The following DNAJC10 variants were observed in gnomAD, a reference collection of about 807,000 sequenced individuals.
DNAJC10 encodes DnaJ heat shock protein family (Hsp40) member C10.
DNAJC10 carries 101 observed loss-of-function variants against 115.0 expected under a neutral mutation model. The observed-to-expected ratio is 0.88, with a 90% confidence interval of 0.75 to 1.04. The LOEUF (loss-of-function observed/expected upper bound fraction) is 1.04. DNAJC10 is among the 50% of genes least tolerant of loss of function. The pLI is 0.00. For synonymous variants in DNAJC10, 307 were observed against 301.5 expected (o/e 1.02, Z -0.19); for missense variants, 981 against 928.8 (o/e 1.06, Z -0.73).
At position 182,790,986 on chromosome 2, in the gene DNAJC10, G is replaced by A. The variant is rs956798668; in HGVS notation, c.*13854G>A. 1.3e-5 allele frequency: 2 copies of A among 151,506 alleles called. No individual in the cohort carries two copies. Among genetic ancestry groups the A allele is most frequent in the African/African-American group, 4.9e-5 (2 of 41,186 alleles). 9.4% of individuals were successfully genotyped at this position (151,506 alleles called of 1,614,324 possible). A position where few individuals can be genotyped will look rare whatever the true frequency, so the allele number is the denominator to read the frequency against. On this transcript the variant is annotated 3_prime_UTR_variant, in exon 24 of 24. Transcript: ENST00000264065. ...AACTGTCTATGCTCCTTCTCTCTTT[G>A]TTCACTATTTTGATATTTAAATGTT...
rs1694943070 is a variant in DNAJC10 at position 182,786,218 on chromosome 2, G to C, written c.*9086G>C. On this transcript the variant is annotated 3_prime_UTR_variant, in exon 24 of 24. Coordinates refer to ENST00000264065, the MANE Select transcript of DNAJC10 (RefSeq NM_018981.4). ...ATGACAAGTGTATAATCAACTGCCA[G>C]GAAATCAGTTTACCTGTTAGAGGTA... is the stretch of plus-strand genomic sequence containing the variant. The C allele has an allele frequency of 6.6e-6, 1 of 152,144 alleles. No homozygotes were observed. Among genetic ancestry groups the C allele is most frequent in the Admixed American group, 6.5e-5 (1 of 15,280 alleles). 9.4% of individuals were successfully genotyped at this position (152,144 alleles called of 1,614,324 possible).
chr2:182,777,078 C>A (rs757618642), intron 23 of DNAJC10, 43 bp from the exon 24 acceptor site: 13 of 1,289,638 alleles, frequency 1.0e-5, no homozygotes, highest in Non-Finnish European at 1.2e-5. Flanking sequence ...ATTACCAACT[C>A]ATACTTTCTC....
chr2:182,763,412 A>G (rs765361870), intron 22 of DNAJC10, among the ~76,000 whole-genome samples: 20 of 152,110 alleles, frequency 1.3e-4, no homozygotes, highest in South Asian at 2.1e-4. Context: ...TTCCAGCTGA[A>G]CGGGGGCAAG....
At chr2:182,741,058 T>G (rs955096813) in intron 12 of DNAJC10, among the ~76,000 whole-genome samples, 185 bp from the exon 13 acceptor site, 1 of 152,164 alleles carries the variant, frequency 6.6e-6, no homozygotes, top group Non-Finnish European at 1.5e-5. Context: ...CTGTAATATT[T>G]GTTGATTTTA....
chr2:182,768,704 T>C (rs929941699), intron 22 of DNAJC10, among the ~76,000 whole-genome samples: 1 of 152,182 alleles, frequency 6.6e-6, no homozygotes, highest in East Asian at 1.9e-4. Context: ...ACCTTCCTGC[T>C]GTGCGCAGAT....
At chr2:182,766,766 C>T (rs1014598850) in intron 22 of DNAJC10, among the ~76,000 whole-genome samples, 3 of 152,048 alleles carry the variant, frequency 2.0e-5, no homozygotes, top group South Asian at 2.1e-4. Context: ...GTTGAGGAGA[C>T]GCAGCCACCT....
In DNAJC10 at chr2:182,727,006, C is replaced by T. The variant is rs113344298; in HGVS notation, c.419-1570C>T. 6.9e-4 allele frequency among the ~76,000 whole-genome samples: 105 copies of T among 152,100 alleles called. 1 individual carries two copies. The highest frequency in any genetic ancestry group is 2.5e-3 in the African/African-American group (104 of 41,506). On this transcript the variant is annotated intron_variant, in intron 5 of 23. Coordinates refer to ENST00000264065, the MANE Select transcript of DNAJC10 (RefSeq NM_018981.4). The stretch of plus-strand genomic sequence containing the variant: ...CAAAAGGCTAGATGACAAGCATGAG[C>T]CACTGCGCCCAGCCTATTTTCTAAT...
rs1295742335 is a variant in DNAJC10 at position 182,790,195 on chromosome 2, A to T, written c.*13063A>T. On this transcript the variant is annotated 3_prime_UTR_variant, in exon 24 of 24. Transcript: ENST00000264065. ...AAAAAGCTTTATTTAGTCCTATATT[A>T]TTCTCTGATTATTCCATATGTTATC... is the stretch of plus-strand genomic sequence containing the variant. 1 of 152,164 alleles carries T rather than the reference A, an allele frequency of 6.6e-6. No individual in the cohort carries two copies. The highest frequency in any genetic ancestry group is 2.4e-5 in the African/African-American group (1 of 41,440). The allele number at this position is 152,164 out of a possible 1,614,324, so 9.4% of individuals were successfully genotyped here.
Position 182,785,322 on chromosome 2 carries a change from G to C in DNAJC10, c.*8190G>C, listed in dbSNP as rs577254047. On this transcript the variant is annotated 3_prime_UTR_variant, in exon 24 of 24. Transcript: ENST00000264065. ...TTTTTTTTTAATTCAAAAATCTCAG[G>C]GTTTTCTGGGGCTTTTAGTACTCCT... The C allele has an allele frequency of 2.6e-5, 4 of 151,834 alleles. No homozygotes were observed. Among genetic ancestry groups the C allele is most frequent in the African/African-American group, 9.7e-5 (4 of 41,394 alleles). 9.4% of individuals were successfully genotyped at this position (151,834 alleles called of 1,614,324 possible).
chr2:182,788,872 C>T lies in DNAJC10; in HGVS notation c.*11740C>T, dbSNP rs940563497. 1.3e-5 allele frequency: 6 copies of T among 449,452 alleles called. No homozygotes were observed. Among genetic ancestry groups the T allele is most frequent in the Non-Finnish European group, 2.2e-5 (5 of 225,098 alleles). 27.8% of individuals were successfully genotyped at this position (449,452 alleles called of 1,614,324 possible). A position where few individuals can be genotyped will look rare whatever the true frequency, so the allele number is the denominator to read the frequency against. On this transcript the variant is annotated 3_prime_UTR_variant, in exon 24 of 24. Coordinates refer to ENST00000264065, the MANE Select transcript of DNAJC10 (RefSeq NM_018981.4). The stretch of plus-strand genomic sequence containing the variant: ...TTTCACGTTAAAGGTCATTTTGTGT[C>T]TTCTTTAAAACTCTTGATTCCTTTT...
rs1694777959 is a variant in DNAJC10, at chr2:182,778,923, C to G, written c.*1791C>G. The stretch of plus-strand genomic sequence containing the variant: ...TACTGGTTATGTGCATATCACCACA[C>G]TGGACACTGAGGAGTGTTCAAAAGG... On this transcript the variant is annotated 3_prime_UTR_variant, in exon 24 of 24. Transcript: ENST00000264065. The G allele has an allele frequency of 6.6e-6, 1 of 152,224 alleles. No homozygotes were observed. Among genetic ancestry groups the G allele is most frequent in the Non-Finnish European group, 1.5e-5 (1 of 68,046 alleles). 9.4% of individuals were successfully genotyped at this position (152,224 alleles called of 1,614,324 possible).
Position 182,762,874 on chromosome 2 carries a change from G to GT in DNAJC10, c.2265+81dup, listed in dbSNP as rs992446768. 234 of 1,456,582 alleles carry GT rather than the reference G, an allele frequency of 1.6e-4. 1 individual carries two copies. The highest frequency in any genetic ancestry group is 3.9e-4 in the East Asian group (16 of 41,474). The allele number at this position is 1,456,582 out of a possible 1,614,324, so 90.2% of individuals were successfully genotyped here. On this transcript the variant is annotated intron_variant, in intron 22 of 23. Transcript: ENST00000264065. ...AAAGATGTGTTTCAGTCTGAGTAAT[G>GT]TTTTTTTTCTGTTTTCTCATCCTTG...
intron 5 of DNAJC10, among the ~76,000 whole-genome samples, chr2:182,722,903 A>C (rs1693188893): frequency 6.6e-6 from 1 of 152,008 alleles, no homozygotes; most frequent in Non-Finnish European, 1.5e-5. Flanking sequence ...TGGCACCACA[A>C]AAAAAAAGAA....
chr2:182,739,035 TAA>T (rs1234209078), intron 11 of DNAJC10, among the ~76,000 whole-genome samples: 1 of 151,748 alleles, frequency 6.6e-6, no homozygotes, highest in Non-Finnish European at 1.5e-5. Flanking sequence ...GGCATTTTAG[TAA>T]AAGTCTTCAT....
chr2:182,732,673 CTG>C, intron 10 of DNAJC10, 131 bp downstream of exon 10: 2 of 846,398 alleles, frequency 2.4e-6, no homozygotes, highest in Non-Finnish European at 3.8e-6. Context: ...TTTCTGATGA[CTG>C]TATTCATAGC....
At chr2:182,772,141 C>G (rs1694580333) in intron 22 of DNAJC10, among the ~76,000 whole-genome samples, 1 of 152,172 alleles carries the variant, frequency 6.6e-6, no homozygotes, top group Non-Finnish European at 1.5e-5. Context: ...GAGTGAGTTT[C>G]TTAATCCTGA....
intron 5 of DNAJC10, among the ~76,000 whole-genome samples, chr2:182,727,536 C>G (rs1213766913): frequency 6.6e-6 from 1 of 152,082 alleles, no homozygotes; most frequent in Admixed American, 6.6e-5. Flanking sequence ...AAAACATTGC[C>G]AAAGAACAGC....
At chr2:182,733,373 A>G (rs190427127) in intron 10 of DNAJC10, among the ~76,000 whole-genome samples, 24 of 151,962 alleles carry the variant, frequency 1.6e-4, no homozygotes, top group Admixed American at 8.5e-4. Flanking sequence ...ATTTCACCCT[A>G]TGCCTAGGCC....
chr2:182,733,055 G>C (rs1693491919), intron 10 of DNAJC10, among the ~76,000 whole-genome samples: 1 of 151,870 alleles, frequency 6.6e-6, no homozygotes, highest in Non-Finnish European at 1.5e-5. Context: ...TATATGTTAG[G>C]TGTAGTATTA....
Sources: allele counts gnomAD v4.1 joint callset (sites outside exome capture counted in the v4.1 genomes callset), GRCh38; gene constraint gnomAD v4.1.1; transcripts MANE v1.5; gene names NCBI Gene and HGNC (gene_info 2026-07-23, HGNC 2026-07-21).